AREL1: variants seen among roughly 807,000 people sequenced by gnomAD.
AREL1 encodes apoptosis resistant E3 ubiquitin protein ligase 1.
In AREL1, 62 loss-of-function variants were observed where a neutral mutation model predicts 99.0. The ratio of observed to expected loss-of-function variants is 0.63; its 90% CI spans 0.51 to 0.77. The LOEUF (loss-of-function observed/expected upper bound fraction) is 0.77. Among genes scored for constraint, AREL1 ranks in the 30% least tolerant of loss-of-function variants. AREL1 has a pLI of 0.00. For synonymous variants in AREL1, 380 were observed against 376.5 expected (o/e 1.01, Z -0.11); for missense variants, 879 against 1,027.6 (o/e 0.86, Z 1.98).
chr14:74,673,873 C>T (rs1324140169), intron 9 of AREL1, among the ~76,000 whole-genome samples, 161 bp downstream of exon 9: 1 of 152,104 alleles, frequency 6.6e-6, no homozygotes, highest in Admixed American at 6.6e-5. Flanking sequence ...TTCTTCATGC[C>T]ATTTAGTGAG....
chr14:74,711,365 C>G (rs915914024), intron 1 of AREL1, among the ~76,000 whole-genome samples: 1 of 151,406 alleles, frequency 6.6e-6, no homozygotes, highest in Non-Finnish European at 1.5e-5. Flanking sequence ...CATGGTGAAA[C>G]CCATCTCTAT....
chr14:74,682,237 C>T (rs530107339), intron 5 of AREL1, among the ~76,000 whole-genome samples: 1 of 152,216 alleles, frequency 6.6e-6, no homozygotes, highest in Admixed American at 6.5e-5. Flanking sequence ...AAGGACTAGT[C>T]AAGCAAAGAT....
At position 74,680,492 on chromosome 14, in the gene AREL1, T is replaced by C. The variant is rs566143879; in HGVS notation, c.481+2804A>G. 9.9e-5 allele frequency among the ~76,000 whole-genome samples: 15 copies of C among 152,284 alleles called. 1 individual carries two copies. The South Asian group carries it at 3.1e-3, about 32-fold the overall frequency. Reference sequence around the variant, plus strand: ...ATGCTACAGCCACTCTGGAAAAGAATTTGGCAATTTAAAAGAAACTAAGCA... The same window carrying C: ...ATGCTACAGCCACTCTGGAAAAGAACTTGGCAATTTAAAAGAAACTAAGCA... On this transcript the variant is annotated intron_variant, in intron 5 of 19. Coordinates refer to ENST00000356357, the MANE Select transcript of AREL1 (RefSeq NM_001039479.2).
chr14:74,684,345 G>C, intron 4 of AREL1, 109 bp downstream of exon 4: 1 of 951,390 alleles, frequency 1.1e-6, no homozygotes, highest in Non-Finnish European at 1.6e-6. Context: ...GTTCCTGGAG[G>C]GAGTTGAAAA....
Position 74,675,906 on chromosome 14 carries a change from T to C in AREL1, c.873A>G (p.Ser291=), listed in dbSNP as rs2089461235. ...AAGCCTCAAAGTAAATGCTCACGCC[T>C]GAAGTGGACACATTGCGTTCGACGA... ...KNIVERNVST[S]GVSIYFEAYL... Residue 291 remains serine, a synonymous_variant, in exon 8 of 20, where the codon TCA becomes TCG. Transcript: ENST00000356357. 6.2e-7 allele frequency: 1 copy of C among 1,610,872 alleles called. No individual in the cohort carries two copies. Among genetic ancestry groups the C allele is most frequent in the African/African-American group, 1.3e-5 (1 of 74,954 alleles).
intron 5 of AREL1, chr14:74,678,333 C>CA (rs1158617880): frequency 2.6e-6 from 1 of 387,008 alleles, no homozygotes; most frequent in East Asian, 8.0e-5. Context: ...CCTATTCCTA[C>CA]AAAAAAGATA....
At position 74,669,691 on chromosome 14, in the gene AREL1, G is replaced by C. The variant is rs760519072; in HGVS notation, c.1872C>G (p.Val624=). Residue 624 remains valine, a synonymous_variant, in exon 15 of 20, where the codon GTC becomes GTG. Transcript: ENST00000356357. Reference sequence around the variant, plus strand: ...ATTTATTATATTTCTCTTCTGCAAAGACCAGCTCCATCTCACTCATGTCAT... The same window carrying C: ...ATTTATTATATTTCTCTTCTGCAAACACCAGCTCCATCTCACTCATGTCAT... ...LNNDMSEMEL[V]FAEEKYNKSG... is the part of the protein sequence containing the mutation. The C allele has an allele frequency of 6.2e-7, 1 of 1,614,110 alleles. No homozygotes were observed. Among genetic ancestry groups the C allele is most frequent in the African/African-American group, 1.3e-5 (1 of 75,044 alleles).
chr14:74,708,813 T>C (rs1367783602), intron 1 of AREL1, among the ~76,000 whole-genome samples: 6 of 152,318 alleles, frequency 3.9e-5, no homozygotes, highest in Non-Finnish European at 7.4e-5. Context: ...TGACAAAACA[T>C]GTATCTACCA....
At chr14:74,705,710 A>T (rs1013675394) in intron 1 of AREL1, among the ~76,000 whole-genome samples, 3 of 152,210 alleles carry the variant, frequency 2.0e-5, no homozygotes, top group Admixed American at 6.5e-5. Flanking sequence ...GGTTAAGCTA[A>T]CCAAGACAAA....
rs1334638803 is a variant in AREL1 at position 74,672,824 on chromosome 14, T to C, written c.1422+7A>G. 1.2e-6 allele frequency: 2 copies of C among 1,614,180 alleles called. No individual in the cohort carries two copies. Among genetic ancestry groups the C allele is most frequent in the South Asian group, 1.1e-5 (1 of 91,090 alleles). On this transcript the variant is annotated splice_region_variant and intron_variant, in intron 11 of 19. Transcript: ENST00000356357. ...GTATCTGCTGACAGAGATGAAATTT[T>C]ACCTACCGATTCCAACAAGGCATGT...
chr14:74,698,122 G>A (rs2139965256), intron 1 of AREL1, among the ~76,000 whole-genome samples: 1 of 152,228 alleles, frequency 6.6e-6, no homozygotes, highest in Middle Eastern at 3.4e-3. Flanking sequence ...AAGCAGAAAG[G>A]CTGCTTGGGC....
At position 74,664,085 on chromosome 14, in the gene AREL1, G is replaced by C. The variant is rs760133498; in HGVS notation, c.2194-11C>G. The C allele has an allele frequency of 5.0e-6, 8 of 1,610,950 alleles. No homozygotes were observed. In the Admixed American group the frequency reaches 1.3e-4, roughly 27 times the overall value. On this transcript the variant is annotated splice_polypyrimidine_tract_variant and intron_variant, in intron 18 of 19. Coordinates refer to ENST00000356357, the MANE Select transcript of AREL1 (RefSeq NM_001039479.2). ...AAACCACCTCATGACCTGGCAGGGA[G>C]AGCACAAGGCTGGGATCACACACAG... is the stretch of plus-strand genomic sequence containing the variant.
At chr14:74,697,080 G>A (rs1009276803) in intron 1 of AREL1, among the ~76,000 whole-genome samples, 1 of 152,146 alleles carries the variant, frequency 6.6e-6, no homozygotes, top group Non-Finnish European at 1.5e-5. Flanking sequence ...AGAAGTTTGA[G>A]GCTACAGTGA....
At chr14:74,690,942 T>C (rs2089864646) in intron 2 of AREL1, 1 of 152,076 alleles carries the variant, frequency 6.6e-6, no homozygotes, top group Admixed American at 6.6e-5. Context: ...TCTCGTTTTA[T>C]GGATTTTTTT....
In AREL1 at chr14:74,664,214, C is replaced by A. The variant is rs560084514; in HGVS notation, c.2194-140G>T. 22 of 914,694 alleles carry A rather than the reference C, an allele frequency of 2.4e-5. No individual in the cohort carries two copies. In the South Asian group the frequency reaches 3.9e-4, roughly 16 times the overall value. The allele number at this position is 914,694 out of a possible 1,614,324, so 56.7% of individuals were successfully genotyped here. Reference sequence around the variant, plus strand: ...AGGACACAGGGTAGGAACAGTTTGACAAGCACTTCAAGAATTTACACTGTC... The same window carrying A: ...AGGACACAGGGTAGGAACAGTTTGAAAAGCACTTCAAGAATTTACACTGTC... On this transcript the variant is annotated intron_variant, in intron 18 of 19. Transcript: ENST00000356357.
chr14:74,685,743 CG>C, intron 2 of AREL1, 83 bp from the exon 3 acceptor site: 2 of 1,249,762 alleles, frequency 1.6e-6, no homozygotes, highest in Non-Finnish European at 2.3e-6. Context: ...GAGTGTATGG[CG>C]TGAGCCAAAC....
At chr14:74,699,364 TGTGTGTGTGTGTGAGAGAGA>T (rs1312941134) in intron 1 of AREL1, among the ~76,000 whole-genome samples, 1 of 143,094 alleles carries the variant, frequency 7.0e-6, no homozygotes, top group Non-Finnish European at 1.5e-5. Context: ...TGTGTGTGTG[TGTGTGTGTGTGTGAGAGAGA>T]GAGAGAGAGA....
intron 15 of AREL1, among the ~76,000 whole-genome samples, chr14:74,668,242 C>T (rs1238655389): frequency 6.6e-6 from 1 of 152,160 alleles, no homozygotes; most frequent in East Asian, 1.9e-4. Flanking sequence ...TGGTATCCCC[C>T]AATAAACTCC....
chr14:74,712,741 AG>A, intron 1 of AREL1, 191 bp downstream of exon 1: 1 of 302,976 alleles, frequency 3.3e-6, no homozygotes, highest in Non-Finnish European at 6.5e-6. Context: ...AAAACCAAAT[AG>A]GAACCACAGC....
Sources: allele counts gnomAD v4.1 joint callset (sites outside exome capture counted in the v4.1 genomes callset), GRCh38; gene constraint gnomAD v4.1.1; transcripts MANE v1.5; gene names NCBI Gene and HGNC (gene_info 2026-07-23, HGNC 2026-07-21).